Variants in STK3 observed in about 807,000 individuals in gnomAD.
The protein encoded by STK3 is serine/threonine kinase 3, also known as serine/threonine-protein kinase 3.
In STK3, 41 loss-of-function variants were observed where a neutral mutation model predicts 58.0. That is an observed-to-expected ratio of 0.71 (90% CI 0.55 to 0.92). The LOEUF is 0.92. Ranked by LOEUF, STK3 falls within the 40% of genes least tolerant of loss-of-function variation. The probability of loss-of-function intolerance (pLI) is 0.00; values close to 1 mark genes in which losing one functional copy is unlikely to be tolerated. For missense variants in STK3, 479 were observed against 602.7 expected, an observed-to-expected ratio of 0.79 and a Z score of 2.15; for synonymous variants, 170 against 191.0, an observed-to-expected ratio of 0.89 and a Z score of 0.91.
At chr8:98,928,141 A>C (rs1430936734) in intron 1 of STK3, among the ~76,000 whole-genome samples, 1 of 152,246 alleles carries the variant, frequency 6.6e-6, no homozygotes, top group Non-Finnish European at 1.5e-5. Context: ...TACAACACGC[A>C]TGCCATTGTT....
downstream of STK3, among the ~76,000 whole-genome samples, chr8:98,370,538 C>G (rs572017329): frequency 2.0e-5 from 3 of 152,180 alleles, no homozygotes; most frequent in South Asian, 6.2e-4. Flanking sequence ...AGGTAAGGAC[C>G]ATCATCTCCC....
chr8:98,828,572 C>T (rs1835413353), upstream of STK3, among the ~76,000 whole-genome samples: 5 of 149,922 alleles, frequency 3.3e-5, no homozygotes, highest in Admixed American at 3.3e-4. Context: ...TAGAGTGAGA[C>T]CCTGTTTCAA....
intron 6 of STK3, among the ~76,000 whole-genome samples, chr8:98,657,354 G>C (rs913313382): frequency 6.6e-6 from 1 of 151,962 alleles, no homozygotes; most frequent in Non-Finnish European, 1.5e-5. Flanking sequence ...ATTTACCAAA[G>C]GTAAAACAGC....
intron 3 of STK3, among the ~76,000 whole-genome samples, chr8:98,415,291 T>C (rs529066409): frequency 6.6e-6 from 1 of 152,202 alleles, no homozygotes; most frequent in Non-Finnish European, 1.5e-5. Context: ...TTATCCAGTC[T>C]CGGGTATTTT....
At chr8:98,614,443 A>G (rs895871503) in intron 6 of STK3, among the ~76,000 whole-genome samples, 2 of 152,172 alleles carry the variant, frequency 1.3e-5, no homozygotes, top group Non-Finnish European at 2.9e-5. Flanking sequence ...AGATGTCTCG[A>G]TCGGGGGAGG....
At chr8:98,930,089 AATCTCTAGTCCC>A (rs1311076549) in intron 1 of STK3, among the ~76,000 whole-genome samples, 16 of 147,328 alleles carry the variant, frequency 1.1e-4, no homozygotes, top group Admixed American at 6.7e-4. Context: ...TGGTATAATA[AATCTCTAGTCCC>A]ATCCTGGGCT....
chr8:98,680,955 C>T (rs1823585452), intron 6 of STK3, among the ~76,000 whole-genome samples: 1 of 148,146 alleles, frequency 6.8e-6, no homozygotes, highest in South Asian at 2.1e-4. Context: ...CCAAATTTTC[C>T]TTCTATAGTT....
chr8:98,864,570 T>C (rs1373356568), intron 3 of STK3, among the ~76,000 whole-genome samples: 1 of 152,208 alleles, frequency 6.6e-6, no homozygotes, highest in Non-Finnish European at 1.5e-5. Context: ...AAATCCTCTG[T>C]TTCCCAAACC....
chr8:98,574,069 G>C (rs1813190007), intron 8 of STK3, among the ~76,000 whole-genome samples: 1 of 151,996 alleles, frequency 6.6e-6, no homozygotes, highest in African/African-American at 2.4e-5. Context: ...GGGGATTATG[G>C]GAACTATAAT....
At chr8:98,771,127 G>A (rs1831292330) in intron 2 of STK3, among the ~76,000 whole-genome samples, 1 of 152,070 alleles carries the variant, frequency 6.6e-6, no homozygotes, top group South Asian at 2.1e-4. Context: ...AAAATATATA[G>A]AATCTGCTTT....
At chr8:98,827,187 T>C (rs1403293459), upstream of STK3, among the ~76,000 whole-genome samples, 1 of 144,078 alleles carries the variant, frequency 6.9e-6, no homozygotes, top group East Asian at 2.0e-4. Context: ...AATACAAAAG[T>C]TAGCCGGGCC....
chr8:98,632,158 G>T (rs754278100), intron 6 of STK3, among the ~76,000 whole-genome samples: 1 of 152,028 alleles, frequency 6.6e-6, no homozygotes, highest in African/African-American at 2.4e-5. Context: ...CATAAACCTC[G>T]CAAAGAGACA....
intron 3 of STK3, chr8:98,429,206 CT>C: frequency 6.2e-7 from 1 of 1,614,052 alleles, no homozygotes; most frequent in Non-Finnish European, 8.5e-7. Flanking sequence ...TCACCTTGAT[CT>C]TCAATAAGTT....
intron 3 of STK3, among the ~76,000 whole-genome samples, chr8:98,865,075 G>C (rs1322397049): frequency 6.6e-6 from 1 of 152,092 alleles, no homozygotes; most frequent in African/African-American, 2.4e-5. Context: ...GCAACCAATA[G>C]AAGCCATACA....
intron 6 of STK3, among the ~76,000 whole-genome samples, chr8:98,618,902 C>T (rs1818009185): frequency 6.7e-6 from 1 of 150,306 alleles, no homozygotes; most frequent in Admixed American, 6.6e-5. Flanking sequence ...AGGTAATTTA[C>T]AGATTCAATG....
intron 6 of STK3, among the ~76,000 whole-genome samples, chr8:98,654,784 G>A (rs1821333465): frequency 6.6e-6 from 1 of 152,126 alleles, no homozygotes; most frequent in African/African-American, 2.4e-5. Context: ...AAAGGGACGT[G>A]AAGGACCTCT....
chr8:98,364,581 C>G, the STK3 span, among the ~76,000 whole-genome samples: 13 of 152,238 alleles, frequency 8.5e-5, no homozygotes, highest in African/African-American at 3.1e-4. Flanking sequence ...TCTGCTCTTC[C>G]AAACGCAATT....
intron 6 of STK3, among the ~76,000 whole-genome samples, chr8:98,653,366 C>A (rs1000753157): frequency 1.3e-5 from 2 of 151,942 alleles, no homozygotes; most frequent in Non-Finnish European, 2.9e-5. Flanking sequence ...ACTAAATACC[C>A]AAAAGAGAAA....
chr8:98,387,709 C>T (rs1287092093), intron 1 of STK3, among the ~76,000 whole-genome samples: 1 of 151,994 alleles, frequency 6.6e-6, no homozygotes, highest in Non-Finnish European at 1.5e-5. Flanking sequence ...CCATTGCACT[C>T]CAGCCTGGGC....
Sources: gnomAD v4.1 joint callset for allele counts (sites outside exome capture counted in the v4.1 genomes callset) on GRCh38, gnomAD v4.1.1 for gene constraint, MANE v1.5 for transcripts, NCBI Gene and HGNC (gene_info 2026-07-23, HGNC 2026-07-21) for gene names.